The following ANOS1 variants were observed in gnomAD, a reference collection of about 807,000 sequenced individuals.
ANOS1 encodes the protein anosmin-1.
Under a neutral mutation model 59.0 loss-of-function variants are expected in ANOS1, and 6 were observed. That is an observed-to-expected ratio of 0.10 (90% CI 0.06 to 0.20). The LOEUF (loss-of-function observed/expected upper bound fraction) is 0.20, where lower values mean the gene tolerates loss of function less well. Ranked by LOEUF, ANOS1 falls within the 10% of genes least tolerant of loss-of-function variation. The probability of loss-of-function intolerance (pLI) is 1.00; values close to 1 mark genes in which losing one functional copy is unlikely to be tolerated. For missense variants in ANOS1, 433 were observed against 542.3 expected (o/e 0.80, Z 2.00); for synonymous variants, 217 against 223.4 (o/e 0.97, Z 0.25).
chrX:8,657,098 C>T (rs142937408), intron 2 of ANOS1, among the ~76,000 whole-genome samples: 109 of 112,662 alleles, frequency 9.7e-4, no homozygotes, highest in African/African-American at 3.1e-3. Context: ...TTTAACCACA[C>T]GGGTCATGGC....
rs770830107 is a variant in ANOS1, at chrX:8,529,360, G to A, written c.*3635C>T. ...TTTATATTTTATAATAAACTTTAAA[G>A]TACATGCAACAGATATTTAGCCATT... is the stretch of plus-strand genomic sequence containing the variant. On this transcript the variant is annotated 3_prime_UTR_variant, in exon 14 of 14. Coordinates refer to ENST00000262648, the MANE Select transcript of ANOS1 (RefSeq NM_000216.4). 8.9e-6 allele frequency: 1 copy of A among 111,818 alleles called. No homozygotes were observed. The highest frequency in any genetic ancestry group is 2.8e-4 in the East Asian group (1 of 3,564). 9.2% of individuals were successfully genotyped at this position (111,818 alleles called of 1,213,427 possible).
intron 6 of ANOS1, among the ~76,000 whole-genome samples, chrX:8,574,658 C>A (rs1285580113): frequency 8.9e-6 from 1 of 111,935 alleles, no homozygotes; most frequent in African/African-American, 3.2e-5. Context: ...ACTCCAAGTT[C>A]TTCAGCTTTG....
chrX:8,659,627 TTCC>T (rs1306450144), intron 2 of ANOS1, among the ~76,000 whole-genome samples: 1,870 of 57,482 alleles, frequency 0.033, 79 homozygotes, highest in African/African-American at 0.15. Context: ...CCTTCCTTCC[TTCC>T]TTCTTTCTTT....
At chrX:8,558,437 T>G (rs1929982053) in intron 8 of ANOS1, among the ~76,000 whole-genome samples, 1 of 110,409 alleles carries the variant, frequency 9.1e-6, no homozygotes, top group Non-Finnish European at 1.9e-5. Context: ...ATGTTCAAGT[T>G]AATGAACCCC....
chrX:8,646,453 T>C (rs925210686), intron 2 of ANOS1, among the ~76,000 whole-genome samples: 1 of 111,174 alleles, frequency 9.0e-6, no homozygotes, highest in African/African-American at 3.3e-5. Context: ...CCTTTGAGAA[T>C]TGCTACATTG....
At chrX:8,598,835 G>A (rs956372825) in intron 3 of ANOS1, among the ~76,000 whole-genome samples, 2 of 112,283 alleles carry the variant, frequency 1.8e-5, no homozygotes, top group Admixed American at 9.4e-5. Flanking sequence ...GAATGCCTGT[G>A]CATAGCCAGG....
intron 3 of ANOS1, among the ~76,000 whole-genome samples, chrX:8,618,806 T>G (rs1468321786): frequency 9.0e-6 from 1 of 111,222 alleles, no homozygotes; most frequent in African/African-American, 3.3e-5. Context: ...GTACGGTGGC[T>G]CACGCCTGTA....
intron 8 of ANOS1, among the ~76,000 whole-genome samples, chrX:8,554,542 G>GTTTTTTTTTTTTTTTTTTTTTT (rs757605733): frequency 1.2e-4 from 6 of 50,838 alleles, no homozygotes; most frequent in Admixed American, 9.6e-4. Context: ...GGCTACAGGA[G>GTTTTTTTTTTTTTTTTTTTTTT]TTTTTTTTTT....
At chrX:8,655,804 T>C (rs1317084916) in intron 2 of ANOS1, among the ~76,000 whole-genome samples, 3 of 112,478 alleles carry the variant, frequency 2.7e-5, no homozygotes, top group African/African-American at 9.7e-5. Context: ...TATTTTGTTA[T>C]CTTATAAAGC....
At chrX:8,648,276 C>A (rs1385708321) in intron 2 of ANOS1, among the ~76,000 whole-genome samples, 1 of 110,502 alleles carries the variant, frequency 9.0e-6, no homozygotes. Flanking sequence ...GCCTGGCCAA[C>A]ATGGTGAAAC....
chrX:8,545,576 T>C (rs1929760816), intron 9 of ANOS1, among the ~76,000 whole-genome samples: 2 of 112,298 alleles, frequency 1.8e-5, no homozygotes, highest in East Asian at 2.8e-4. Flanking sequence ...ATGTTGAAAA[T>C]ATTTATTTTC....
intron 8 of ANOS1, among the ~76,000 whole-genome samples, chrX:8,554,372 G>A (rs776984971): frequency 9.0e-6 from 1 of 110,564 alleles, no homozygotes; most frequent in East Asian, 2.9e-4. Context: ...CTAGCCAAGG[G>A]AAGCCGTGAG....
chrX:8,541,433 C>CAAAAAAAAA (rs1329692666), intron 9 of ANOS1, among the ~76,000 whole-genome samples: 3 of 82,236 alleles, frequency 3.6e-5, no homozygotes, highest in Admixed American at 1.4e-4. Flanking sequence ...AACAAAAAAA[C>CAAAAAAAAA]AAAAAAATAA....
At chrX:8,534,981 T>C (rs185761738) in intron 12 of ANOS1, among the ~76,000 whole-genome samples, 2 of 112,216 alleles carry the variant, frequency 1.8e-5, no homozygotes, top group East Asian at 2.8e-4. Flanking sequence ...TCTAATTCCA[T>C]GGAATTTTTC....
chrX:8,710,439 A>G (rs1932805836), intron 1 of ANOS1, among the ~76,000 whole-genome samples: 2 of 111,494 alleles, frequency 1.8e-5, no homozygotes, highest in Admixed American at 1.9e-4. Flanking sequence ...CACAACCAGG[A>G]TAAGAAAAAG....
At chrX:8,579,836 T>G (rs1735823612) in intron 6 of ANOS1, among the ~76,000 whole-genome samples, 1 of 111,806 alleles carries the variant, frequency 8.9e-6, no homozygotes, top group African/African-American at 3.3e-5. Context: ...GCTCCCTGAG[T>G]GCCCCGTGGA....
At chrX:8,673,571 T>C (rs5978258) in intron 2 of ANOS1, among the ~76,000 whole-genome samples, 53,989 of 108,320 alleles carry the variant, frequency 0.5, 10,467 homozygotes, top group African/African-American at 0.68. Flanking sequence ...CTTCTAGATT[T>C]AGCATGACAT....
intron 6 of ANOS1, among the ~76,000 whole-genome samples, chrX:8,572,126 A>AT (rs55680016): frequency 2.8e-5 from 3 of 107,309 alleles, no homozygotes; most frequent in Admixed American, 1.0e-4. Context: ...TAGTCAAGTC[A>AT]TTTTTTTTTT....
chrX:8,659,688 G>C (rs1364966265), intron 2 of ANOS1, among the ~76,000 whole-genome samples: 1 of 106,181 alleles, frequency 9.4e-6, no homozygotes, highest in African/African-American at 3.5e-5. Flanking sequence ...GAGTACAGTG[G>C]TGCAATCTTG....
Sources: allele counts gnomAD v4.1 joint callset (sites outside exome capture counted in the v4.1 genomes callset), GRCh38; gene constraint gnomAD v4.1.1; transcripts MANE v1.5; gene names NCBI Gene and HGNC (gene_info 2026-07-23, HGNC 2026-07-21).